The following L3MBTL1 variants were observed in gnomAD, a reference collection of about 807,000 sequenced individuals.
L3MBTL1 encodes the protein L3MBTL histone methyl-lysine binding protein 1.
In L3MBTL1, 75 loss-of-function variants were observed where a neutral mutation model predicts 105.3. The observed-to-expected ratio is 0.71, with a 90% CI of 0.59 to 0.86. The LOEUF (loss-of-function observed/expected upper bound fraction) is 0.86. L3MBTL1 is among the 40% of genes least tolerant of loss of function. The pLI is 0.00. For synonymous variants in L3MBTL1, 452 were observed against 436.2 expected (o/e 1.04, Z -0.45); for missense variants, 1,069 against 1,126.4 (o/e 0.95, Z 0.73).
At chr20:43,549,691 AC>A (rs1448131903) in exon 19 of L3MBTL1, 1 of 151,828 alleles carries the variant, frequency 6.6e-6, no homozygotes, top group Non-Finnish European at 1.5e-5. Context: ...TGGTGCCTTC[AC>A]CCAGACCCCT....
intron 7 of L3MBTL1, among the ~76,000 whole-genome samples, chr20:43,525,867 A>G (rs1218792013): frequency 6.6e-6 from 1 of 152,228 alleles, no homozygotes; most frequent in Non-Finnish European, 1.5e-5. Context: ...CTAGTACCAG[A>G]CATGGCACAC....
intron 13 of L3MBTL1, 27 bp downstream of exon 13, chr20:43,533,445 C>G (rs761929247): frequency 1.9e-6 from 3 of 1,596,332 alleles, no homozygotes; most frequent in Non-Finnish European, 2.6e-6. Context: ...AGCAAGCCCC[C>G]TTTCCTAAGC....
At chr20:43,534,165 C>A in intron 14 of L3MBTL1, 72 bp downstream of exon 14, 2 of 1,537,744 alleles carry the variant, frequency 1.3e-6, no homozygotes. Context: ...CAGGCTGGGG[C>A]CCTAGCCTTC....
Position 43,514,035 on chromosome 20 carries a change from GC to G in L3MBTL1, c.338del (p.Pro113ArgfsTer11). The G allele has an allele frequency of 6.5e-7, 1 of 1,536,084 alleles. No individual in the cohort carries two copies. Among genetic ancestry groups the G allele is most frequent in the Non-Finnish European group, 8.7e-7 (1 of 1,146,508 alleles). ...VRLLEWTEAA[A>X]PPPGGGLRFR... ...GCTTCTGGAATGGACAGAGGCCGCG[GC>G]CCCGCCCCCAGGGGGCGGCCTGCGG... On this transcript the variant is annotated frameshift_variant, in exon 3 of 22. Transcript: ENST00000418998. LOFTEE classifies it high-confidence loss of function.
At chr20:43,532,382 A>G (rs2019383052) in intron 11 of L3MBTL1, 1 of 188,352 alleles carries the variant, frequency 5.3e-6, no homozygotes, top group Admixed American at 5.4e-5. Context: ...GTCTGCCTCT[A>G]TGCCATAGAT....
At chr20:43,513,812 G>A (rs1467302869) in intron 2 of L3MBTL1, 26 bp from the exon 3 acceptor site, 14 of 1,548,982 alleles carry the variant, frequency 9.0e-6, no homozygotes, top group Non-Finnish European at 1.2e-5. Context: ...CACCTGTGTC[G>A]TGTCTATTTG....
Position 43,513,607 on chromosome 20 carries a change from C to A in L3MBTL1, c.104C>A (p.Pro35His), listed in dbSNP as rs1568916972. ...GCCGGAGACAGCCCCGGTTCTGGTC[C>A]TCACCTGCCCGCAACTGCCTTCATC... is the stretch of plus-strand genomic sequence containing the variant. Reference protein sequence around the residue: ...LVAGDSPGSGPHLPATAFIIP... With the variant: ...LVAGDSPGSGHHLPATAFIIP... Residue 35 changes from proline to histidine, a missense_variant, in exon 2 of 22, where the codon CCT becomes CAT. Transcript: ENST00000418998. 6.4e-7 allele frequency: 1 copy of A among 1,550,564 alleles called. No individual in the cohort carries two copies. Among genetic ancestry groups the A allele is most frequent in the East Asian group, 2.4e-5 (1 of 40,920 alleles).
downstream of L3MBTL1, among the ~76,000 whole-genome samples, chr20:43,543,130 T>C (rs889878370): frequency 6.6e-6 from 1 of 151,682 alleles, no homozygotes; most frequent in African/African-American, 2.4e-5. Context: ...AATAACCTCA[T>C]GTAAAACTTT....
rs2019413798 is a variant in L3MBTL1 at position 43,532,921 on chromosome 20, A to G, written c.1433A>G (p.Tyr478Cys). The change falls in exon 12 of 22, where the codon TAC becomes TGC. Residue 478 changes from tyrosine to cysteine, a missense_variant. Coordinates refer to ENST00000418998, the MANE Select transcript of L3MBTL1 (RefSeq NM_001377303.1). The stretch of plus-strand genomic sequence containing the variant: ...GACAACTGGGATGATACTTATGACT[A>G]CTGGTAGTAGGAGGGCCCAGACTTG... The part of the protein sequence containing the change: ...HFDNWDDTYD[Y>C]WCDPSSPYIH... The G allele has an allele frequency of 1.2e-6, 2 of 1,613,956 alleles. No homozygotes were observed. The highest frequency in any genetic ancestry group is 2.7e-5 in the African/African-American group (2 of 74,902).
downstream of L3MBTL1, among the ~76,000 whole-genome samples, chr20:43,543,955 G>A (rs1319421673): frequency 6.6e-6 from 1 of 152,220 alleles, no homozygotes; most frequent in Non-Finnish European, 1.5e-5. Flanking sequence ...ACTGAAGCAG[G>A]TAAGAACAGG....
chr20:43,508,422 G>A (rs1386836842), intron 1 of L3MBTL1, among the ~76,000 whole-genome samples: 1 of 152,186 alleles, frequency 6.6e-6, no homozygotes, highest in Non-Finnish European at 1.5e-5. Flanking sequence ...GGGCGGGGCC[G>A]AGGCCCCAAG....
chr20:43,546,604 G>T (rs1978615537), downstream of L3MBTL1, among the ~76,000 whole-genome samples: 1 of 152,168 alleles, frequency 6.6e-6, no homozygotes, highest in African/African-American at 2.4e-5. Context: ...AGGAGGGATG[G>T]CGTCTCCTCA....
At position 43,532,880 on chromosome 20, in the gene L3MBTL1, C is replaced by T; in HGVS notation, c.1392C>T (p.Arg464=). 1 of 1,614,184 alleles carries T rather than the reference C, an allele frequency of 6.2e-7. No homozygotes were observed. Among genetic ancestry groups the T allele is most frequent in the Non-Finnish European group, 8.5e-7 (1 of 1,180,032 alleles). Residue 464 remains arginine, a synonymous_variant, in exon 12 of 22, where the codon CGC becomes CGT. Transcript: ENST00000418998. ...GTGTGACCGATGTGGTGGACAGCCG[C>T]TTCCTGGTGCACTTTGACAACTGGG... ...VASVTDVVDS[R]FLVHFDNWDD... is the part of the protein sequence containing the mutation.
chr20:43,542,087 G>A (rs1266616078), downstream of L3MBTL1, among the ~76,000 whole-genome samples: 1 of 152,196 alleles, frequency 6.6e-6, no homozygotes, highest in Non-Finnish European at 1.5e-5. Context: ...GCATGCACCT[G>A]TAGTCCCAGC....
chr20:43,548,165 A>G lies in L3MBTL1; in HGVS notation c.2179A>G (p.Met727Val), dbSNP rs776110583. 1.2e-5 allele frequency: 15 copies of G among 1,304,268 alleles called. 1 individual carries two copies. In the South Asian group the frequency reaches 1.6e-4, roughly 14 times the overall value. The allele number at this position is 1,304,268 out of a possible 1,614,324, so 80.8% of individuals were successfully genotyped here. The change falls in exon 19 of 19, where the codon ATG becomes GTG. Residue 727 changes from methionine to valine, a missense_variant. Physicochemically the swap from Met to Val is conservative, Grantham distance 21. Coordinates refer to the L3MBTL1 transcript ENST00000422861. ...GACACAGGCGGACATTGTGAAGATC[A>G]TGAGCGTCAAGCTGGGCCCAGCCTT...
chr20:43,541,016 A>G lies in L3MBTL1; in HGVS notation c.2477A>G (p.Asp826Gly), dbSNP rs997249539. The G allele has an allele frequency of 1.2e-6, 2 of 1,614,088 alleles. No homozygotes were observed. The highest frequency in any genetic ancestry group is 1.7e-6 in the Non-Finnish European group (2 of 1,180,056). The change falls in exon 22 of 22, where the codon GAT becomes GGT. Residue 826 changes from aspartate to glycine, a missense_variant. Transcript: ENST00000418998. ...CAGCTTGGGGACCTTGTGTGCTCAG[A>G]TCATCTTCAGGAAGGAAAAGGCATC... ...VAQLGDLVCSDHLQEGKGILE... is the reference protein window; with the variant it reads ...VAQLGDLVCSGHLQEGKGILE...
rs1274270341 is a variant in L3MBTL1, at chr20:43,513,722, G to C, written c.136+83G>C. 3.9e-6 allele frequency: 6 copies of C among 1,544,284 alleles called. No individual in the cohort carries two copies. The Admixed American group carries it at 9.8e-5, about 25-fold the overall frequency. ...CAAGTGTGGATCCTGGAGAGGGGAT[G>C]ACCGTTTTCACTGTCCTCCACCTGC... On this transcript the variant is annotated intron_variant, in intron 2 of 21. Coordinates refer to ENST00000418998, the MANE Select transcript of L3MBTL1 (RefSeq NM_001377303.1).
At chr20:43,542,381 G>A (rs920018108), downstream of L3MBTL1, among the ~76,000 whole-genome samples, 3 of 152,018 alleles carry the variant, frequency 2.0e-5, no homozygotes, top group Admixed American at 1.3e-4. Context: ...CTTCATGTAC[G>A]TGTCCAGAGC....
At chr20:43,513,722 G>T in intron 2 of L3MBTL1, 83 bp downstream of exon 2, 1 of 1,544,400 alleles carries the variant, frequency 6.5e-7, no homozygotes, top group South Asian at 1.2e-5. Flanking sequence ...GAGAGGGGAT[G>T]ACCGTTTTCA....
Sources: gnomAD v4.1 joint callset for allele counts (sites outside exome capture counted in the v4.1 genomes callset) on GRCh38, gnomAD v4.1.1 for gene constraint, MANE v1.5 for transcripts, NCBI Gene and HGNC (gene_info 2026-07-23, HGNC 2026-07-21) for gene names.